FGF18: variants seen among roughly 807,000 people sequenced by gnomAD.
The protein encoded by FGF18 is fibroblast growth factor 18.
In FGF18, 5 loss-of-function variants were observed where a neutral mutation model predicts 23.0. That is an observed-to-expected ratio of 0.22 (90% CI 0.11 to 0.46). The LOEUF (loss-of-function observed/expected upper bound fraction) is 0.46. Among genes scored for constraint, FGF18 ranks in the 20% least tolerant of loss-of-function variants. The pLI is 0.99. For synonymous variants in FGF18, 117 were observed against 118.9 expected, an observed-to-expected ratio of 0.98 and a Z score of 0.10; for missense variants, 180 against 291.6, an observed-to-expected ratio of 0.62 and a Z score of 2.79.
rs773663915 is a variant in FGF18 at position 171,420,296 on chromosome 5, A to G, written c.32+65A>G. On this transcript the variant is annotated intron_variant, in intron 1 of 4. Transcript: ENST00000274625. ...GTCTGTCCGTATGCCTGTGCCCTGT[A>G]CCTCTGTCTGCCCGCCCGTCGGTTC... 71 of 1,606,408 alleles carry G rather than the reference A, an allele frequency of 4.4e-5. No individual in the cohort carries two copies. In the Middle Eastern group the frequency reaches 8.2e-4, roughly 19 times the overall value.
At chr5:171,441,852 T>TC (rs1772350688) in intron 3 of FGF18, among the ~76,000 whole-genome samples, 1 of 152,190 alleles carries the variant, frequency 6.6e-6, no homozygotes, top group Non-Finnish European at 1.5e-5. Context: ...CAAAGAGGCT[T>TC]CCTTCTGTTT....
Position 171,451,739 on chromosome 5 carries a change from T to C in FGF18, c.357+2486T>C, listed in dbSNP as rs572965971. Reference sequence around the variant, plus strand: ...CCCCGGGCACATGGATTCCTTATGCTCCAGATGCGTGGCACTGAGCACCGC... The same window carrying C: ...CCCCGGGCACATGGATTCCTTATGCCCCAGATGCGTGGCACTGAGCACCGC... On this transcript the variant is annotated intron_variant, in intron 4 of 4. Coordinates refer to ENST00000274625, the MANE Select transcript of FGF18 (RefSeq NM_003862.3). The surrounding 1 kb of genome is among the most constrained non-coding windows in gnomAD (Gnocchi z 4.5). 3.3e-5 allele frequency among the ~76,000 whole-genome samples: 5 copies of C among 152,070 alleles called. No individual in the cohort carries two copies. Among genetic ancestry groups the C allele is most frequent in the Non-Finnish European group, 5.9e-5 (4 of 67,990 alleles).
At chr5:171,430,462 C>T (rs1561885339) in intron 2 of FGF18, among the ~76,000 whole-genome samples, 2 of 151,196 alleles carry the variant, frequency 1.3e-5, no homozygotes, top group East Asian at 2.0e-4. Flanking sequence ...GTGCTCAACA[C>T]ACAATGCCTG....
chr5:171,427,759 C>T (rs1772117809), intron 2 of FGF18, among the ~76,000 whole-genome samples: 1 of 152,196 alleles, frequency 6.6e-6, no homozygotes, highest in Non-Finnish European at 1.5e-5. Context: ...TCCAAGTGTT[C>T]CCCATGAAGA....
chr5:171,443,501 ATTTTTTTTTTTTTTTTT>A (rs59576538), intron 3 of FGF18, among the ~76,000 whole-genome samples: 2 of 63,742 alleles, frequency 3.1e-5, no homozygotes, highest in Non-Finnish European at 5.4e-5. Context: ...TGTTATCATC[ATTTTTTTTTTTTTTTTT>A]TTTTTTTTTT....
intron 2 of FGF18, among the ~76,000 whole-genome samples, chr5:171,435,262 G>T (rs554208996): frequency 5.9e-5 from 9 of 152,294 alleles, no homozygotes; most frequent in Non-Finnish European, 1.2e-4. Context: ...GTGGAGAGGG[G>T]ATTGGGTTTG....
intron 1 of FGF18, 48 bp downstream of exon 1, chr5:171,420,279 G>C (rs1435969013): frequency 1.2e-6 from 2 of 1,603,888 alleles, no homozygotes; most frequent in Non-Finnish European, 1.7e-6. Context: ...CTGTCTGTCC[G>C]TATGCCTGTG....
chr5:171,445,341 C>T (rs1157456963), intron 3 of FGF18, among the ~76,000 whole-genome samples: 2 of 151,996 alleles, frequency 1.3e-5, no homozygotes, highest in Non-Finnish European at 2.9e-5. Flanking sequence ...AGAGAAGGGA[C>T]ACAACTAAAT....
At chr5:171,421,629 A>G (rs977788835) in intron 2 of FGF18, among the ~76,000 whole-genome samples, 2 of 152,046 alleles carry the variant, frequency 1.3e-5, no homozygotes, top group African/African-American at 4.8e-5. Context: ...CTCAACAGCC[A>G]CTCGCAGTGT....
intron 3 of FGF18, among the ~76,000 whole-genome samples, chr5:171,439,015 T>A (rs1025872295): frequency 6.6e-6 from 1 of 152,006 alleles, no homozygotes; most frequent in Non-Finnish European, 1.5e-5. Flanking sequence ...ACATGCAGTC[T>A]CAGAGTCTCA....
intron 2 of FGF18, among the ~76,000 whole-genome samples, chr5:171,426,050 T>C (rs1772083956): frequency 6.6e-6 from 1 of 152,232 alleles, no homozygotes; most frequent in Non-Finnish European, 1.5e-5. Flanking sequence ...TGCTTTCTCT[T>C]TGCTGTGTGA....
chr5:171,437,730 G>A (rs1029563178), intron 3 of FGF18, among the ~76,000 whole-genome samples: 7 of 152,124 alleles, frequency 4.6e-5, no homozygotes, highest in Admixed American at 3.3e-4. Context: ...GTTTTCCCTC[G>A]GATCTGCTGT....
At chr5:171,430,829 A>G (rs1022600161) in intron 2 of FGF18, among the ~76,000 whole-genome samples, 1 of 150,936 alleles carries the variant, frequency 6.6e-6, no homozygotes, top group Non-Finnish European at 1.5e-5. Context: ...AAAAAGAGTA[A>G]TGATTGTTAC....
At chr5:171,437,265 C>G (rs939993485) in intron 3 of FGF18, among the ~76,000 whole-genome samples, 2 of 152,224 alleles carry the variant, frequency 1.3e-5, no homozygotes, top group Admixed American at 6.5e-5. Flanking sequence ...GACGTGACAA[C>G]AAGACAAATA....
In FGF18 at chr5:171,436,481, G is replaced by C. The variant is rs147422474; in HGVS notation, c.250+208G>C. On this transcript the variant is annotated intron_variant, in intron 3 of 4. Transcript: ENST00000274625. This position sits in a 1 kb window ranked among gnomAD's most constrained non-coding sequence, Gnocchi z 4.4. ...AGCATTGTCAGGAGTACTAACTGAA[G>C]ATGTGAATGAAAAGTTCTTTGGCCG... Among the ~76,000 whole-genome samples the C allele has an allele frequency of 1.4e-3, 217 of 152,296 alleles. No individual in the cohort carries two copies. The highest frequency in any genetic ancestry group is 4.8e-3 in the South Asian group (23 of 4,824).
chr5:171,435,164 G>A (rs777898480), intron 2 of FGF18, among the ~76,000 whole-genome samples: 1 of 152,206 alleles, frequency 6.6e-6, no homozygotes, highest in Non-Finnish European at 1.5e-5. Context: ...GGAGAGGAAG[G>A]TGGGAAAGCA....
At chr5:171,449,331 G>T in intron 4 of FGF18, 78 bp downstream of exon 4, 1 of 827,624 alleles carries the variant, frequency 1.2e-6, no homozygotes. Flanking sequence ...TGTGTCCAGG[G>T]CACTGTCAGT....
intron 2 of FGF18, among the ~76,000 whole-genome samples, chr5:171,431,825 G>C (rs1472897744): frequency 6.6e-6 from 1 of 152,064 alleles, no homozygotes; most frequent in Non-Finnish European, 1.5e-5. Context: ...TTGGGAGGCC[G>C]AGGTGGGCAG....
chr5:171,456,796 C>A lies in FGF18; in HGVS notation c.615C>A (p.His205Gln). 1.2e-6 allele frequency: 2 copies of A among 1,612,788 alleles called. No individual in the cohort carries two copies. The highest frequency in any genetic ancestry group is 1.7e-6 in the Non-Finnish European group (2 of 1,179,280). ...GGTCCCGTCGGATCCGGCCCACACA[C>A]CCTGCCTAGGCCACCCCGCCGCGGC... ...TKRSRRIRPT[H>Q]PA is the part of the protein sequence containing the mutation. Residue 205 changes from histidine (H) to glutamine (Q), a missense_variant, in exon 5 of 5, where the codon CAC becomes CAA. Around this residue, in one of 3 missense-constraint regions of FGF18, gnomAD observed 40 missense variants for 41.4 expected, o/e 0.97. Transcript: ENST00000274625. This position sits in a 1 kb window ranked among gnomAD's most constrained non-coding sequence, Gnocchi z 6.1.
Sources: allele counts gnomAD v4.1 joint callset (sites outside exome capture counted in the v4.1 genomes callset), GRCh38; gene constraint gnomAD v4.1.1; regional missense constraint gnomAD v4.1.1; non-coding constraint Gnocchi (gnomAD v3.1); transcripts MANE v1.5; gene names NCBI Gene and HGNC (gene_info 2026-07-23, HGNC 2026-07-21).